RBIS: variants seen among roughly 807,000 people sequenced by gnomAD.
RBIS encodes ribosome biogenesis factor identified in screen.
In RBIS, 9 loss-of-function variants were observed where a neutral mutation model predicts 9.8. The ratio of observed to expected loss-of-function variants is 0.92; its 90% confidence interval spans 0.56 to 1.61. The LOEUF (loss-of-function observed/expected upper bound fraction) is 1.61. Ranked by LOEUF, RBIS falls within the 40% of genes most tolerant of loss-of-function variation. The probability of loss-of-function intolerance (pLI) is 0.00; values close to 1 mark genes in which losing one functional copy is unlikely to be tolerated. For missense variants in RBIS, 103 were observed against 116.0 expected (o/e 0.89, Z 0.51); for synonymous variants, 35 against 37.9 (o/e 0.92, Z 0.28).
chr8:85,218,042 T>G (rs756393862), intron 1 of RBIS, among the ~76,000 whole-genome samples: 8 of 152,242 alleles, frequency 5.3e-5, no homozygotes, highest in Non-Finnish European at 1.2e-4. Flanking sequence ...GGCCCTTGCC[T>G]TGAAGTGTTG....
intron 3 of RBIS, 113 bp downstream of exon 3, chr8:85,214,803 GTACTA>G: frequency 1.4e-6 from 1 of 732,030 alleles, no homozygotes; most frequent in Non-Finnish European, 2.4e-6. Flanking sequence ...ATAGAGCCTA[GTACTA>G]GAGAGCCAAG....
At position 85,214,606 on chromosome 8, in the gene RBIS, T is replaced by C. The variant is rs745550311; in HGVS notation, c.257A>G (p.Lys86Arg). 1.3e-6 allele frequency: 2 copies of C among 1,584,800 alleles called. No homozygotes were observed. Among genetic ancestry groups the C allele is most frequent in the Non-Finnish European group, 1.7e-6 (2 of 1,153,708 alleles). Reference protein sequence around the residue: ...ELIPQQRHESKPVNVDEATRL... With the variant: ...ELIPQQRHESRPVNVDEATRL... ...TGTAGCTTCATCAACATTAACTGGT[T>C]TGCTTTCATGACGCTGCTGAGGAAT... Residue 86 changes from lysine (K) to arginine (R), a missense_variant, in exon 4 of 4, where the codon AAA (lysine) becomes AGA (arginine). Physicochemically the swap from Lys to Arg is conservative, Grantham distance 26. Transcript: ENST00000619594.
rs754569856 is a variant in RBIS at position 85,214,103 on chromosome 8, T to A, written c.*457A>T. ...ACGTCCCCACTCCCAAAAGTAACTATATTCTGGATTTCAACTTTTCTTCTA... is the reference window on the plus strand; with the variant it reads ...ACGTCCCCACTCCCAAAAGTAACTAAATTCTGGATTTCAACTTTTCTTCTA... On this transcript the variant is annotated 3_prime_UTR_variant, in exon 4 of 4. Coordinates refer to ENST00000619594, the MANE Select transcript of RBIS (RefSeq NM_001099673.3). 2.3e-4 allele frequency: 131 copies of A among 577,780 alleles called. 1 individual carries two copies. In the Middle Eastern group the frequency reaches 9.0e-3, roughly 40 times the overall value. The allele number at this position is 577,780 out of a possible 1,614,324, so 35.8% of individuals were successfully genotyped here. A position where few individuals can be genotyped will look rare whatever the true frequency, so the allele number is the denominator to read the frequency against.
chr8:85,220,069 T>C (rs1400942493), intron 1 of RBIS, among the ~76,000 whole-genome samples: 1 of 152,100 alleles, frequency 6.6e-6, no homozygotes, highest in African/African-American at 2.4e-5. Flanking sequence ...GGAAATTCTC[T>C]GAAAACCACG....
intron 2 of RBIS, chr8:85,217,182 C>G (rs994463471): frequency 6.2e-6 from 4 of 640,910 alleles, no homozygotes; most frequent in Non-Finnish European, 1.1e-5. Flanking sequence ...ATGTTTATTT[C>G]TTTTCAACAT....
At chr8:85,218,569 T>A (rs1033274707) in intron 1 of RBIS, 1 of 152,214 alleles carries the variant, frequency 6.6e-6, no homozygotes, top group Non-Finnish European at 1.5e-5. Context: ...AAAGTTTAAT[T>A]GGAGGCCAAG....
rs781604003 is a variant in RBIS, at chr8:85,214,914, T to A, written c.231+7A>T. On this transcript the variant is annotated splice_region_variant and intron_variant, in intron 3 of 3. Coordinates refer to ENST00000619594, the MANE Select transcript of RBIS (RefSeq NM_001099673.3). ...GCCATAAAAAAAAGCAAATGATTTC[T>A]GCTTACCAGTTCTTTCTGCAGAGGT... is the stretch of plus-strand genomic sequence containing the variant. The A allele has an allele frequency of 5.5e-6, 8 of 1,452,278 alleles. No individual in the cohort carries two copies. The African/African-American group carries it at 7.1e-5, about 13-fold the overall frequency. The allele number at this position is 1,452,278 out of a possible 1,614,324, so 90.0% of individuals were successfully genotyped here.
intron 1 of RBIS, among the ~76,000 whole-genome samples, chr8:85,218,296 C>T (rs118154463): frequency 0.023 from 3,534 of 152,010 alleles, 65 homozygotes; most frequent in Non-Finnish European, 0.033. Flanking sequence ...AAAAAACTGA[C>T]GCAAAGAGAA....
intron 2 of RBIS, chr8:85,215,560 A>G (rs1295054152): frequency 6.6e-6 from 1 of 152,192 alleles, no homozygotes; most frequent in Non-Finnish European, 1.5e-5. Context: ...CTACATAATG[A>G]AGCCTCCGGA....
rs920179553 is a variant in RBIS at position 85,220,322 on chromosome 8, G to A, written c.-20C>T. On this transcript the variant is annotated 5_prime_UTR_variant, in exon 1 of 4. Coordinates refer to ENST00000619594, the MANE Select transcript of RBIS (RefSeq NM_001099673.3). ...AACTCTCACCAGAAGTTTAACACTT[G>A]CGTGCAGCTTTTTAAGCTCCAGGTA... The A allele has an allele frequency of 6.6e-6, 1 of 152,248 alleles. No homozygotes were observed. Among genetic ancestry groups the A allele is most frequent in the African/African-American group, 2.4e-5 (1 of 41,460 alleles). The allele number at this position is 152,248 out of a possible 1,614,324, so 9.4% of individuals were successfully genotyped here. A position where few individuals can be genotyped will look rare whatever the true frequency, so the allele number is the denominator to read the frequency against.
At chr8:85,214,668 A>G in intron 3 of RBIS, 37 bp from the exon 4 acceptor site, 1 of 1,262,478 alleles carries the variant, frequency 7.9e-7, no homozygotes, top group East Asian at 2.3e-5. Context: ...AAACACAGAC[A>G]ACAATAGCAG....
At position 85,217,444 on chromosome 8, in the gene RBIS, C is replaced by T; in HGVS notation, c.56G>A (p.Ser19Asn). ...PKSRNVFHIA[S>N]QKNFKAKNKA... ...GTTTTTAGCCTTAAAGTTTTTTTGG[C>T]TGGCTATGTGAAATACATTCCTGGA... The change falls in exon 2 of 4, where the codon AGC becomes AAC. Residue 19 changes from serine to asparagine, a missense_variant. Coordinates refer to ENST00000619594, the MANE Select transcript of RBIS (RefSeq NM_001099673.3). The T allele has an allele frequency of 6.2e-7, 1 of 1,612,744 alleles. No homozygotes were observed. The highest frequency in any genetic ancestry group is 2.2e-5 in the East Asian group (1 of 44,804).
chr8:85,214,587 T>G lies in RBIS; in HGVS notation c.276A>C (p.Glu92Asp). 6.3e-7 allele frequency: 1 copy of G among 1,581,958 alleles called. No homozygotes were observed. Among genetic ancestry groups the G allele is most frequent in the Non-Finnish European group, 8.7e-7 (1 of 1,151,276 alleles). ...RHESKPVNVDEATRLMALL is the reference protein window; with the variant it reads ...RHESKPVNVDDATRLMALL ...ACAACAGAGCCATTAATCTTGTAGC[T>G]TCATCAACATTAACTGGTTTGCTTT... Residue 92 changes from glutamate to aspartate, a missense_variant, in exon 4 of 4, where the codon GAA (glutamate) becomes GAC (aspartate). Physicochemically the swap from Glu to Asp is conservative, Grantham distance 45. Transcript: ENST00000619594.
chr8:85,216,446 C>G (rs1813158718), intron 2 of RBIS: 1 of 152,228 alleles, frequency 6.6e-6, no homozygotes, highest in African/African-American at 2.4e-5. Context: ...TATAAAAGTT[C>G]TAGTACCTCC....
rs751113017 is a variant in RBIS, at chr8:85,217,378, A to G, written c.114+8T>C. The G allele has an allele frequency of 2.1e-5, 32 of 1,491,002 alleles. 1 individual carries two copies. The South Asian group carries it at 3.5e-4, about 16-fold the overall frequency. The allele number at this position is 1,491,002 out of a possible 1,614,324, so 92.4% of individuals were successfully genotyped here. ...ACAATAAAGTCAGAGTGCTTAACTA[A>G]TACTCACCTTCTTAAGATTAGTGGT... On this transcript the variant is annotated splice_region_variant and intron_variant, in intron 2 of 3. Transcript: ENST00000619594.
At chr8:85,217,211 G>A (rs1472902069) in intron 2 of RBIS, 175 bp downstream of exon 2, 4 of 659,760 alleles carry the variant, frequency 6.1e-6, no homozygotes, top group East Asian at 2.7e-5. Context: ...AAGAAAGGGA[G>A]GTTATTTTTC....
intron 1 of RBIS, among the ~76,000 whole-genome samples, chr8:85,219,639 T>C (rs1019156315): frequency 6.6e-6 from 1 of 151,896 alleles, no homozygotes; most frequent in Non-Finnish European, 1.5e-5. Context: ...TAATCCCAGC[T>C]ACTCGGGAGG....
At chr8:85,219,638 C>A (rs1405423301) in intron 1 of RBIS, among the ~76,000 whole-genome samples, 1 of 152,064 alleles carries the variant, frequency 6.6e-6, no homozygotes, top group African/African-American at 2.4e-5. Context: ...CTAATCCCAG[C>A]TACTCGGGAG....
At chr8:85,216,231 T>G (rs962921978) in intron 2 of RBIS, 2 of 152,240 alleles carry the variant, frequency 1.3e-5, no homozygotes, top group African/African-American at 4.8e-5. Context: ...CTCTGAATCC[T>G]TCCTGGACCT....
Sources: allele counts gnomAD v4.1 joint callset (sites outside exome capture counted in the v4.1 genomes callset), GRCh38; gene constraint gnomAD v4.1.1; transcripts MANE v1.5; gene names NCBI Gene and HGNC (gene_info 2026-07-23, HGNC 2026-07-21).